LRMDA: variants seen among roughly 807,000 people sequenced by gnomAD.
LRMDA encodes leucine-rich melanocyte differentiation-associated protein.
In LRMDA, 18 loss-of-function variants were observed where a neutral mutation model predicts 29.8. That is an observed-to-expected ratio of 0.60 (90% confidence interval 0.42 to 0.90). LRMDA has a LOEUF of 0.90. Ranked by LOEUF, LRMDA falls within the 40% of genes least tolerant of loss-of-function variation. LRMDA has a pLI of 0.00. For missense variants in LRMDA, 273 were observed against 273.9 expected, an observed-to-expected ratio of 1.00 and a Z score of 0.02; for synonymous variants, 125 against 109.4, an observed-to-expected ratio of 1.14 and a Z score of -0.89.
At chr10:75,792,627 G>A (rs899027274) in intron 2 of LRMDA, among the ~76,000 whole-genome samples, 5 of 152,300 alleles carry the variant, frequency 3.3e-5, no homozygotes, top group Admixed American at 3.3e-4. Context: ...TATGCCTGCA[G>A]TGGCGAACAG....
chr10:76,449,494 T>C (rs1842385493), intron 6 of LRMDA, among the ~76,000 whole-genome samples: 1 of 151,960 alleles, frequency 6.6e-6, no homozygotes, highest in South Asian at 2.1e-4. Flanking sequence ...TAAAACCATC[T>C]TTTACATTTT....
intron 2 of LRMDA, among the ~76,000 whole-genome samples, chr10:75,607,086 G>A (rs2059997): frequency 7.9e-4 from 120 of 152,314 alleles, no homozygotes; most frequent in Admixed American, 4.7e-3. Context: ...ACTTGAATTA[G>A]ATATCAAAGT....
intron 1 of LRMDA, among the ~76,000 whole-genome samples, chr10:75,436,325 A>G (rs1345036841): frequency 6.6e-6 from 1 of 152,200 alleles, no homozygotes; most frequent in African/African-American, 2.4e-5. Context: ...CTAAAACTCA[A>G]CGTCTCTGCT....
At chr10:76,241,251 T>C (rs779081085) in intron 5 of LRMDA, among the ~76,000 whole-genome samples, 2 of 152,108 alleles carry the variant, frequency 1.3e-5, no homozygotes, top group Non-Finnish European at 2.9e-5. Flanking sequence ...TTCCCCCAAA[T>C]CCTATTGAAA....
At position 76,091,488 on chromosome 10, in the gene LRMDA, A is replaced by T. The variant is rs531747867; in HGVS notation, c.516+32705A>T. 3.3e-5 allele frequency among the ~76,000 whole-genome samples: 5 copies of T among 152,244 alleles called. No homozygotes were observed. The East Asian group carries it at 9.6e-4, about 29-fold the overall frequency. On this transcript the variant is annotated intron_variant, in intron 5 of 6. Transcript: ENST00000611255. ...CTTTAATTGAAGGATCAGAAAGTAA[A>T]TGGGGTATCCTGGAGAGACTGCAGC...
chr10:76,026,515 G>A (rs148717824), intron 2 of LRMDA, among the ~76,000 whole-genome samples: 41 of 152,174 alleles, frequency 2.7e-4, no homozygotes, highest in Non-Finnish European at 5.4e-4. Context: ...CACAAATAGA[G>A]CTGTAGCTCT....
At chr10:76,448,629 T>C (rs1842376197) in intron 6 of LRMDA, among the ~76,000 whole-genome samples, 2 of 152,054 alleles carry the variant, frequency 1.3e-5, no homozygotes, top group African/African-American at 4.8e-5. Context: ...TAAATTCTAA[T>C]TCTTTAGCTG....
intron 2 of LRMDA, among the ~76,000 whole-genome samples, chr10:75,628,947 A>G (rs963339066): frequency 1.3e-5 from 2 of 152,226 alleles, no homozygotes; most frequent in Non-Finnish European, 2.9e-5. Flanking sequence ...CCAAATAGCC[A>G]TGGACCCCAA....
intron 2 of LRMDA, among the ~76,000 whole-genome samples, chr10:75,762,600 A>T (rs1253456994): frequency 6.6e-6 from 1 of 152,190 alleles, no homozygotes; most frequent in Non-Finnish European, 1.5e-5. Context: ...TGGCTCCCCC[A>T]CTTAATGGCT....
chr10:76,367,397 T>C (rs1232811635), intron 6 of LRMDA, among the ~76,000 whole-genome samples: 1 of 149,234 alleles, frequency 6.7e-6, no homozygotes, highest in Non-Finnish European at 1.5e-5. Flanking sequence ...CTTTTTGTTG[T>C]TGTTGTTGTT....
At chr10:76,392,741 T>G (rs1469350391) in intron 6 of LRMDA, among the ~76,000 whole-genome samples, 2 of 152,134 alleles carry the variant, frequency 1.3e-5, no homozygotes, top group Non-Finnish European at 1.5e-5. Context: ...TACAACATAT[T>G]GTTATAATCT....
intron 6 of LRMDA, among the ~76,000 whole-genome samples, chr10:76,342,933 T>C (rs1396284432): frequency 2.0e-5 from 3 of 152,172 alleles, no homozygotes; most frequent in African/African-American, 7.2e-5. Context: ...AGTAGATACT[T>C]ATAGTATTCT....
intron 6 of LRMDA, among the ~76,000 whole-genome samples, chr10:76,325,789 G>A (rs908084135): frequency 6.6e-6 from 1 of 152,138 alleles, no homozygotes; most frequent in Non-Finnish European, 1.5e-5. Context: ...TTTCACTATG[G>A]AGAGATATGA....
intron 2 of LRMDA, among the ~76,000 whole-genome samples, chr10:75,590,695 ACCTAACT>A (rs1294432728): frequency 2.2e-5 from 3 of 137,206 alleles, no homozygotes; most frequent in African/African-American, 5.5e-5. Context: ...CTTGAGATGT[ACCTAACT>A]CCTAACTCTC....
At chr10:76,103,219 C>T (rs1263765070) in intron 5 of LRMDA, among the ~76,000 whole-genome samples, 1 of 152,116 alleles carries the variant, frequency 6.6e-6, no homozygotes, top group African/African-American at 2.4e-5. Flanking sequence ...TTTGGGTCTC[C>T]TTTAAGACTT....
At chr10:76,379,601 T>C (rs1196983129) in intron 6 of LRMDA, among the ~76,000 whole-genome samples, 3 of 152,134 alleles carry the variant, frequency 2.0e-5, no homozygotes, top group Non-Finnish European at 4.4e-5. Flanking sequence ...TATTTGACTT[T>C]TCTCTCTTTT....
chr10:76,188,348 A>G (rs770182192), intron 5 of LRMDA, among the ~76,000 whole-genome samples: 1 of 152,220 alleles, frequency 6.6e-6, no homozygotes, highest in Non-Finnish European at 1.5e-5. Flanking sequence ...CCTCTACTCA[A>G]AGAAACTCAG....
chr10:76,388,511 TG>T (rs1045756137), intron 6 of LRMDA, among the ~76,000 whole-genome samples: 5 of 152,230 alleles, frequency 3.3e-5, no homozygotes, highest in South Asian at 4.1e-4. Flanking sequence ...ATACTCCTTG[TG>T]GCCTGGCTTG....
At chr10:75,524,734 G>A (rs1001796642) in intron 2 of LRMDA, among the ~76,000 whole-genome samples, 1 of 152,102 alleles carries the variant, frequency 6.6e-6, no homozygotes, top group African/African-American at 2.4e-5. Flanking sequence ...AGGAAATTGG[G>A]GAGAAGTTTT....
Sources: gnomAD v4.1 joint callset for allele counts (sites outside exome capture counted in the v4.1 genomes callset) on GRCh38, gnomAD v4.1.1 for gene constraint, MANE v1.5 for transcripts, NCBI Gene and HGNC (gene_info 2026-07-23, HGNC 2026-07-21) for gene names.